Variants in NTRK3 observed in about 807,000 individuals in gnomAD.
NTRK3 encodes neurotrophic receptor tyrosine kinase 3.
NTRK3 carries 24 observed loss-of-function variants against 91.7 expected under a neutral mutation model. The ratio of observed to expected loss-of-function variants is 0.26; its 90% CI spans 0.19 to 0.37. NTRK3 has a LOEUF of 0.37. Ranked by LOEUF, NTRK3 falls within the 10% of genes least tolerant of loss-of-function variation. NTRK3 has a pLI of 1.00. For missense variants in NTRK3, 880 were observed against 1,068.9 expected (o/e 0.82, Z 2.46); for synonymous variants, 483 against 404.0 (o/e 1.20, Z -2.34).
rs186914424 is a variant in NTRK3 at position 87,876,765 on chromosome 15, T to C, written c.*170A>G. On this transcript the variant is annotated 3_prime_UTR_variant, in exon 19 of 19. Coordinates refer to ENST00000394480, the Ensembl canonical transcript of NTRK3. ...TGCCAAACTGCCTTACAGGGTTTTT[T>C]TTTCTTTCTTTTTTTTTCCTTTTTT... 7 of 627,560 alleles carry C rather than the reference T, an allele frequency of 1.1e-5. No homozygotes were observed. The East Asian group carries it at 1.8e-4, about 17-fold the overall frequency. The allele number at this position is 627,560 out of a possible 1,614,324, so 38.9% of individuals were successfully genotyped here.
chr15:88,061,276 A>G (rs1214224070), intron 13 of NTRK3, among the ~76,000 whole-genome samples: 1 of 152,244 alleles, frequency 6.6e-6, no homozygotes, highest in Non-Finnish European at 1.5e-5. Context: ...TGGACTTGCA[A>G]CAGGAAAAGA....
exon 5 of NTRK3, chr15:88,183,423 A>G: frequency 6.2e-7 from 1 of 1,613,728 alleles, no homozygotes; most frequent in Non-Finnish European, 8.5e-7. Flanking sequence ...CTCACATATA[A>G]CGCAAATGGG....
chr15:88,040,353 G>A (rs1330754403), intron 13 of NTRK3, among the ~76,000 whole-genome samples: 1 of 152,202 alleles, frequency 6.6e-6, no homozygotes, highest in Non-Finnish European at 1.5e-5. Flanking sequence ...TCACCATGAG[G>A]ACCTGTGGGT....
intron 13 of NTRK3, among the ~76,000 whole-genome samples, chr15:88,107,608 C>T (rs539509984): frequency 6.6e-6 from 1 of 152,224 alleles, no homozygotes; most frequent in African/African-American, 2.4e-5. Flanking sequence ...GTTCTGAAAG[C>T]CCTCCCTGGC....
chr15:87,978,886 GTCAC>G, intron 14 of NTRK3: 1 of 270,678 alleles, frequency 3.7e-6, no homozygotes, highest in Non-Finnish European at 7.1e-6. Context: ...GGGCGACGAG[GTCAC>G]TAAGAGGACA....
intron 14 of NTRK3, among the ~76,000 whole-genome samples, chr15:88,012,800 G>A (rs1204344049): frequency 6.6e-6 from 1 of 152,218 alleles, no homozygotes; most frequent in Admixed American, 6.5e-5. Flanking sequence ...ACTTTGATGT[G>A]CATCGGAATC....
chr15:88,209,107 G>A (rs1257067342), intron 3 of NTRK3, among the ~76,000 whole-genome samples: 1 of 152,214 alleles, frequency 6.6e-6, no homozygotes, highest in African/African-American at 2.4e-5. Context: ...GAATACAGAT[G>A]AAGAAACAAC....
At chr15:87,883,676 G>T (rs1156913694) in intron 17 of NTRK3, among the ~76,000 whole-genome samples, 25 of 150,358 alleles carry the variant, frequency 1.7e-4, no homozygotes, top group Non-Finnish European at 3.3e-4. Flanking sequence ...AATCTCAAAG[G>T]AAAACTGGAA....
chr15:88,209,261 C>T (rs1567651166), intron 3 of NTRK3, among the ~76,000 whole-genome samples: 1 of 152,156 alleles, frequency 6.6e-6, no homozygotes, highest in Non-Finnish European at 1.5e-5. Context: ...CATTATTGGT[C>T]ATGGGGAGAT....
At chr15:88,104,258 C>T (rs1206355644) in intron 13 of NTRK3, among the ~76,000 whole-genome samples, 1 of 152,244 alleles carries the variant, frequency 6.6e-6, no homozygotes, top group African/African-American at 2.4e-5. Context: ...AGAACTGTTG[C>T]ATGAGATTCC....
chr15:87,906,093 A>G (rs973183783), intron 17 of NTRK3, among the ~76,000 whole-genome samples: 1 of 152,226 alleles, frequency 6.6e-6, no homozygotes, highest in African/African-American at 2.4e-5. Context: ...CTGTGGAAAG[A>G]TGCTGAGGCT....
chr15:87,971,001 T>C (rs1411208309), intron 14 of NTRK3, among the ~76,000 whole-genome samples: 1 of 152,206 alleles, frequency 6.6e-6, no homozygotes, highest in Non-Finnish European at 1.5e-5. Flanking sequence ...ATTCTGGTCT[T>C]CTTAACGACT....
chr15:88,115,637 G>A (rs924878999), intron 13 of NTRK3, among the ~76,000 whole-genome samples: 11 of 150,442 alleles, frequency 7.3e-5, no homozygotes, highest in Non-Finnish European at 1.5e-4. Context: ...AGAGAGGCTC[G>A]GCATTTCCAG....
chr15:87,923,174 A>C (rs1035752617), intron 17 of NTRK3, among the ~76,000 whole-genome samples: 1 of 152,152 alleles, frequency 6.6e-6, no homozygotes, highest in African/African-American at 2.4e-5. Flanking sequence ...TTCATCCTTA[A>C]CTCTGGCAGA....
chr15:87,896,270 A>T (rs1045198854), intron 17 of NTRK3, among the ~76,000 whole-genome samples: 3 of 152,152 alleles, frequency 2.0e-5, no homozygotes, highest in African/African-American at 4.8e-5. Context: ...CAAGACATAG[A>T]GATCATCCCG....
intron 17 of NTRK3, among the ~76,000 whole-genome samples, 181 bp from the exon 18 acceptor site, chr15:87,885,916 A>G (rs2065510762): frequency 6.6e-6 from 1 of 151,986 alleles, no homozygotes; most frequent in African/African-American, 2.4e-5. Context: ...CAACATAAGC[A>G]TAGCTAAAAG....
At chr15:87,896,379 G>A (rs754226082) in intron 17 of NTRK3, among the ~76,000 whole-genome samples, 1 of 151,606 alleles carries the variant, frequency 6.6e-6, no homozygotes, top group Non-Finnish European at 1.5e-5. Flanking sequence ...GCTGAGGCAG[G>A]AGAATTGCTT....
At chr15:88,086,226 T>C (rs1006016644) in intron 13 of NTRK3, among the ~76,000 whole-genome samples, 1 of 152,240 alleles carries the variant, frequency 6.6e-6, no homozygotes, top group African/African-American at 2.4e-5. Context: ...CCATTATTTG[T>C]TCAAGTGTTC....
At chr15:88,005,070 G>A (rs966088848) in intron 14 of NTRK3, among the ~76,000 whole-genome samples, 6 of 152,082 alleles carry the variant, frequency 3.9e-5, no homozygotes, top group Non-Finnish European at 8.8e-5. Flanking sequence ...CCCTATATTC[G>A]TGTTACTCCA....
Sources: allele counts gnomAD v4.1 joint callset (sites outside exome capture counted in the v4.1 genomes callset), GRCh38; gene constraint gnomAD v4.1.1; transcripts MANE v1.5; gene names NCBI Gene and HGNC (gene_info 2026-07-23, HGNC 2026-07-21).